MAP4K5: variants seen among roughly 807,000 people sequenced by gnomAD.
MAP4K5 encodes the protein mitogen-activated protein kinase kinase kinase kinase 5, also known as MAPK/ERK kinase kinase kinase 5.
Under a neutral mutation model 135.6 loss-of-function variants are expected in MAP4K5, and 82 were observed. The observed-to-expected ratio is 0.60, with a 90% CI of 0.51 to 0.73. The LOEUF (loss-of-function observed/expected upper bound fraction) is 0.73. Ranked by LOEUF, MAP4K5 falls within the 30% of genes least tolerant of loss-of-function variation. MAP4K5 has a pLI of 0.00. For missense variants in MAP4K5, 907 were observed against 1,010.9 expected (o/e 0.90, Z 1.39); for synonymous variants, 347 against 335.0 (o/e 1.04, Z -0.39).
At position 50,476,270 on chromosome 14, in the gene MAP4K5, T is replaced by C. The variant is rs1195875273; in HGVS notation, c.415A>G (p.Arg139Gly). Reference protein sequence around the residue: ...AYLHTKGKMHRDIKGANILLT... With the variant: ...AYLHTKGKMHGDIKGANILLT... ...TTAAATGAACTTACTTTGATATCTCTATGCATTTTGCCTTTAGTATGCAAA... is the reference window on the plus strand; with the variant it reads ...TTAAATGAACTTACTTTGATATCTCCATGCATTTTGCCTTTAGTATGCAAA... The change falls in exon 7 of 33, where the codon AGA becomes GGA. Residue 139 changes from arginine (R) to glycine (G), a missense_variant. Coordinates refer to ENST00000682126, the MANE Select transcript of MAP4K5 (RefSeq NM_006575.6). 7.4e-6 allele frequency: 11 copies of C among 1,493,754 alleles called. No individual in the cohort carries two copies. Among genetic ancestry groups the C allele is most frequent in the Non-Finnish European group, 8.1e-6 (9 of 1,115,436 alleles). 92.5% of individuals were successfully genotyped at this position (1,493,754 alleles called of 1,614,324 possible).
chr14:50,499,563 C>T (rs2037663906), intron 3 of MAP4K5, among the ~76,000 whole-genome samples: 1 of 151,658 alleles, frequency 6.6e-6, no homozygotes, highest in Non-Finnish European at 1.5e-5. Flanking sequence ...GAGGCTGAGG[C>T]ACGAGAATCA....
intron 3 of MAP4K5, among the ~76,000 whole-genome samples, chr14:50,503,120 C>G (rs2037741979): frequency 6.6e-6 from 1 of 151,540 alleles, no homozygotes; most frequent in African/African-American, 2.4e-5. Flanking sequence ...AGTGCAAAGA[C>G]AGAAGACAAA....
At chr14:50,489,757 T>C (rs1283259698) in intron 3 of MAP4K5, among the ~76,000 whole-genome samples, 1 of 152,146 alleles carries the variant, frequency 6.6e-6, no homozygotes, top group East Asian at 1.9e-4. Context: ...GCTAATCACA[T>C]TTGATCTCTT....
At chr14:50,468,021 G>A (rs899797963) in intron 10 of MAP4K5, among the ~76,000 whole-genome samples, 1 of 151,894 alleles carries the variant, frequency 6.6e-6, no homozygotes, top group Non-Finnish European at 1.5e-5. Flanking sequence ...TTCCTTCAAA[G>A]TATCAAAAAA....
chr14:50,461,229 C>A (rs1207057882), intron 13 of MAP4K5, among the ~76,000 whole-genome samples: 1 of 151,926 alleles, frequency 6.6e-6, no homozygotes, highest in Non-Finnish European at 1.5e-5. Flanking sequence ...AGGGTATCAC[C>A]ATGTTGGCCA....
Position 50,434,590 on chromosome 14 carries a change from A to G in MAP4K5, c.1987-19T>C. The G allele has an allele frequency of 6.4e-7, 1 of 1,558,970 alleles. No individual in the cohort carries two copies. Among genetic ancestry groups the G allele is most frequent in the African/African-American group, 1.4e-5 (1 of 73,558 alleles). ...CAAAGTGCTGCAAAAAAAATAAACA[A>G]TAGAGCCATAATTCAGAAACAATCT... On this transcript the variant is annotated intron_variant, in intron 27 of 32. Coordinates refer to ENST00000682126, the MANE Select transcript of MAP4K5 (RefSeq NM_006575.6).
intron 2 of MAP4K5, among the ~76,000 whole-genome samples, chr14:50,506,653 C>T (rs1460351246): frequency 6.6e-6 from 1 of 152,116 alleles, no homozygotes; most frequent in Non-Finnish European, 1.5e-5. Flanking sequence ...CCAGGCCTGG[C>T]AAGAAAATAA....
chr14:50,418,610 G>C lies in MAP4K5; in HGVS notation c.*1409C>G, dbSNP rs765319974. On this transcript the variant is annotated 3_prime_UTR_variant, in exon 33 of 33. Transcript: ENST00000682126. ...CATGGTCAGGCTCAACTACTAACTT[G>C]CTGTGTAAATTGGATAGATCTCTTA... 1 of 152,704 alleles carries C rather than the reference G, an allele frequency of 6.5e-6. No homozygotes were observed. Among genetic ancestry groups the C allele is most frequent in the African/African-American group, 2.4e-5 (1 of 41,550 alleles). The allele number at this position is 152,704 out of a possible 1,614,324, so 9.5% of individuals were successfully genotyped here.
chr14:50,429,153 A>C (rs775671433), intron 29 of MAP4K5, 39 bp downstream of exon 29: 6 of 1,152,264 alleles, frequency 5.2e-6, no homozygotes, highest in South Asian at 1.5e-5. Context: ...TTGCTTTATC[A>C]AGTAGTATAC....
intron 3 of MAP4K5, among the ~76,000 whole-genome samples, chr14:50,504,467 A>G (rs565947289): frequency 1.1e-4 from 17 of 152,220 alleles, no homozygotes; most frequent in Admixed American, 3.3e-4. Context: ...TCATTATCCC[A>G]AATATTCACC....
Position 50,440,062 on chromosome 14 carries a change from C to T in MAP4K5, c.1656G>A (p.Arg552=). 6.6e-7 allele frequency: 1 copy of T among 1,518,260 alleles called. No homozygotes were observed. The highest frequency in any genetic ancestry group is 9.0e-7 in the Non-Finnish European group (1 of 1,111,970). The allele number at this position is 1,518,260 out of a possible 1,614,324, so 94.0% of individuals were successfully genotyped here. ...HEATMEQLFP[R]KCTWLYVINN... is the part of the protein sequence containing the mutation. ...TGATAACATACAGCCAAGTACACTT[C>T]CGTGGAAATAACTAAGAAAAAGAAG... The change falls in exon 23 of 33, where the codon CGG becomes CGA. Residue 552 remains arginine (R), a synonymous_variant. Transcript: ENST00000682126.
In MAP4K5 at chr14:50,424,514, A is replaced by C. The variant is rs138519601; in HGVS notation, c.2398-1338T>G. Reference sequence around the variant, plus strand: ...CACGTGAGGTCAGAAGTTCGAGACCAGCCTGGCCAACACGGTGAAATCCCA... The same window carrying C: ...CACGTGAGGTCAGAAGTTCGAGACCCGCCTGGCCAACACGGTGAAATCCCA... On this transcript the variant is annotated intron_variant, in intron 31 of 32. Coordinates refer to ENST00000682126, the MANE Select transcript of MAP4K5 (RefSeq NM_006575.6). 7.6e-3 allele frequency among the ~76,000 whole-genome samples: 1,151 copies of C among 152,230 alleles called. 24 individuals are homozygous for C. The highest frequency in any genetic ancestry group is 0.027 in the African/African-American group (1,116 of 41,532).
chr14:50,478,273 C>T (rs1216636258), intron 6 of MAP4K5, among the ~76,000 whole-genome samples: 1 of 39,368 alleles, frequency 2.5e-5, no homozygotes, highest in Non-Finnish European at 1.1e-4. Flanking sequence ...ATGCTTATCA[C>T]TTGTTTCTTC....
chr14:50,486,532 G>T (rs1412102532), intron 3 of MAP4K5, among the ~76,000 whole-genome samples: 5 of 151,990 alleles, frequency 3.3e-5, no homozygotes, highest in African/African-American at 1.2e-4. Context: ...ATGTGAAAAA[G>T]ATTATATATT....
At chr14:50,476,389 G>T in intron 6 of MAP4K5, 83 bp from the exon 7 acceptor site, 1 of 629,878 alleles carries the variant, frequency 1.6e-6, no homozygotes, top group South Asian at 3.2e-5. Context: ...AATTCTTATT[G>T]AATAAGAAAA....
At chr14:50,485,734 A>T in intron 4 of MAP4K5, 92 bp from the exon 5 acceptor site, 1 of 746,180 alleles carries the variant, frequency 1.3e-6, no homozygotes, top group South Asian at 1.8e-5. Context: ...ACCAGGGTTC[A>T]GAATGGACTG....
intron 3 of MAP4K5, among the ~76,000 whole-genome samples, chr14:50,502,462 C>T (rs1217548744): frequency 6.6e-6 from 1 of 152,068 alleles, no homozygotes; most frequent in Non-Finnish European, 1.5e-5. Context: ...AAAAGGAAGC[C>T]ATTCCCAATA....
intron 2 of MAP4K5, among the ~76,000 whole-genome samples, chr14:50,511,938 T>G (rs1279221704): frequency 6.6e-6 from 1 of 151,960 alleles, no homozygotes; most frequent in Non-Finnish European, 1.5e-5. Flanking sequence ...TTTAGGAGAG[T>G]GAAAGTATTC....
intron 3 of MAP4K5, among the ~76,000 whole-genome samples, chr14:50,489,904 G>A (rs544680332): frequency 6.6e-5 from 10 of 152,160 alleles, no homozygotes; most frequent in Non-Finnish European, 1.0e-4. Context: ...CCTGGCTGCT[G>A]AGTACATCCT....
Sources: gnomAD v4.1 joint callset for allele counts (sites outside exome capture counted in the v4.1 genomes callset) on GRCh38, gnomAD v4.1.1 for gene constraint, MANE v1.5 for transcripts, NCBI Gene and HGNC (gene_info 2026-07-23, HGNC 2026-07-21) for gene names.